The following DCUN1D2 variants were observed in gnomAD, a reference collection of about 807,000 sequenced individuals.
The protein encoded by DCUN1D2 is DCN1-like protein 2.
DCUN1D2 carries 29 observed loss-of-function variants against 30.9 expected under a neutral mutation model. That is an observed-to-expected ratio of 0.94 (90% CI 0.70 to 1.28). The LOEUF (loss-of-function observed/expected upper bound fraction) is 1.28. Ranked by LOEUF, DCUN1D2 falls within the 50% of genes most tolerant of loss-of-function variation. The pLI is 0.00. For synonymous variants in DCUN1D2, 121 were observed against 115.3 expected, an observed-to-expected ratio of 1.05 and a Z score of -0.32; for missense variants, 325 against 316.9, an observed-to-expected ratio of 1.03 and a Z score of -0.19.
chr13:113,489,481 C>T (rs547170822), intron 1 of DCUN1D2, among the ~76,000 whole-genome samples: 13 of 152,310 alleles, frequency 8.5e-5, no homozygotes, highest in South Asian at 2.1e-4. Context: ...ATGGCTCCCT[C>T]CTCCTTTAAA....
In DCUN1D2 at chr13:113,459,312, C is replaced by T; in HGVS notation, c.700G>A (p.Gly234Arg). 1 of 1,548,588 alleles carries T rather than the reference C, an allele frequency of 6.5e-7. No individual in the cohort carries two copies. Among genetic ancestry groups the T allele is most frequent in the Non-Finnish European group, 8.9e-7 (1 of 1,120,544 alleles). The change falls in exon 6 of 7, where the codon GGA becomes AGA. Residue 234 changes from glycine to arginine, a missense_variant and splice_region_variant. Transcript: ENST00000478244. ...TCATCTGAAGCACAACTTCCGGTAC[C>T]TTCTTCATCGTAGTTAGACATATCA... ...ADDMSNYDEE[G>R]AWPVLIDDFV...
chr13:113,487,451 G>C (rs1027185153), intron 1 of DCUN1D2, among the ~76,000 whole-genome samples: 1 of 152,184 alleles, frequency 6.6e-6, no homozygotes, highest in Non-Finnish European at 1.5e-5. Context: ...AAAGAAACCA[G>C]GCACAAGAAG....
intron 4 of DCUN1D2, among the ~76,000 whole-genome samples, chr13:113,472,450 C>T (rs984972597): frequency 3.3e-5 from 5 of 152,126 alleles, no homozygotes; most frequent in African/African-American, 1.2e-4. Context: ...CTGGACGAGC[C>T]CAGGGCAGCC....
At chr13:113,476,774 G>C (rs1177509468) in intron 3 of DCUN1D2, among the ~76,000 whole-genome samples, 1 of 150,920 alleles carries the variant, frequency 6.6e-6, no homozygotes, top group Non-Finnish European at 1.5e-5. Flanking sequence ...CAGACTTTTT[G>C]CTTTTGCCTT....
intron 3 of DCUN1D2, among the ~76,000 whole-genome samples, chr13:113,477,378 T>G (rs1007501652): frequency 2.0e-5 from 3 of 152,114 alleles, no homozygotes; most frequent in Non-Finnish European, 4.4e-5. Context: ...TTTTGTATTT[T>G]TGAAGATACC....
upstream of DCUN1D2, chr13:113,490,801 A>C: frequency 1.2e-6 from 1 of 845,908 alleles, no homozygotes; most frequent in Non-Finnish European, 1.5e-6. This position sits in a 1 kb window ranked among gnomAD's most constrained non-coding sequence, Gnocchi z 5.2. Flanking sequence ...GGGGACTCCC[A>C]CTCCCGGCAT....
chr13:113,486,062 T>C (rs550102656), intron 1 of DCUN1D2, among the ~76,000 whole-genome samples: 24 of 152,296 alleles, frequency 1.6e-4, no homozygotes, highest in African/African-American at 5.8e-4. Context: ...TTGATGACTA[T>C]TACCCACACA....
Position 113,456,838 on chromosome 13 carries a change from C to T in DCUN1D2, c.*1191G>A, listed in dbSNP as rs1248238260. On this transcript the variant is annotated 3_prime_UTR_variant, in exon 7 of 7. Coordinates refer to ENST00000478244, the MANE Select transcript of DCUN1D2 (RefSeq NM_001014283.2). ...TGGATGCTGGGCACTACGGGTACCA[C>T]AAGAGGATGGAAAGAACCAGCTCAT... 6.5e-6 allele frequency: 1 copy of T among 154,144 alleles called. No individual in the cohort carries two copies. Among genetic ancestry groups the T allele is most frequent in the Non-Finnish European group, 1.4e-5 (1 of 69,478 alleles). The allele number at this position is 154,144 out of a possible 1,614,324, so 9.5% of individuals were successfully genotyped here. A position where few individuals can be genotyped will look rare whatever the true frequency, so the allele number is the denominator to read the frequency against.
rs1566489359 is a variant in DCUN1D2, at chr13:113,457,741, TCTAC to T, written c.*284_*287del. On this transcript the variant is annotated 3_prime_UTR_variant, in exon 7 of 7. Transcript: ENST00000478244. The stretch of plus-strand genomic sequence containing the variant: ...GCGGTCCCACAGGCGGCGCTATGGC[TCTAC>T]CTTAGTATTTTGTAAATATTAAAAA... 3.2e-6 allele frequency: 1 copy of T among 312,278 alleles called. No individual in the cohort carries two copies. The highest frequency in any genetic ancestry group is 6.1e-6 in the Non-Finnish European group (1 of 164,488). 19.3% of individuals were successfully genotyped at this position (312,278 alleles called of 1,614,324 possible).
chr13:113,472,329 A>G (rs1941177967), intron 4 of DCUN1D2, among the ~76,000 whole-genome samples: 1 of 152,106 alleles, frequency 6.6e-6, no homozygotes, highest in Non-Finnish European at 1.5e-5. Flanking sequence ...GGAAACGACG[A>G]CTCTGAATGA....
rs1332875768 is a variant in DCUN1D2, at chr13:113,456,712, A to G, written c.*1317T>C. The G allele has an allele frequency of 1.4e-5, 3 of 213,516 alleles. No homozygotes were observed. Among genetic ancestry groups the G allele is most frequent in the Non-Finnish European group, 2.8e-5 (3 of 108,972 alleles). 13.2% of individuals were successfully genotyped at this position (213,516 alleles called of 1,614,324 possible). A position where few individuals can be genotyped will look rare whatever the true frequency, so the allele number is the denominator to read the frequency against. On this transcript the variant is annotated 3_prime_UTR_variant, in exon 7 of 7. Transcript: ENST00000478244. ...AAACAGATGATAACATGGTGCAAGG[A>G]CAGACTTCAGCTCACCAATCAGATG...
intron 4 of DCUN1D2, among the ~76,000 whole-genome samples, chr13:113,471,690 T>C (rs113592139): frequency 2.6e-5 from 4 of 152,318 alleles, no homozygotes; most frequent in South Asian, 2.1e-4. Flanking sequence ...ACCAAGAAGA[T>C]TGGCTTATCA....
chr13:113,483,814 C>T (rs1335742665), intron 2 of DCUN1D2, 26 bp downstream of exon 2: 11 of 1,603,936 alleles, frequency 6.9e-6, no homozygotes, highest in Non-Finnish European at 9.4e-6. Flanking sequence ...CGACATCCGT[C>T]CGGCTTTGCT....
Position 113,474,246 on chromosome 13 carries a change from C to A in DCUN1D2, c.398G>T (p.Ser133Ile). The change falls in exon 4 of 7, where the codon AGC (serine) becomes ATC (isoleucine). Residue 133 changes from serine to isoleucine, a missense_variant. By Grantham distance (142) the Ser-to-Ile change is moderately radical. Coordinates refer to ENST00000478244, the MANE Select transcript of DCUN1D2 (RefSeq NM_001014283.2). The part of the protein sequence containing the change: ...LDGMTELGCD[S>I]MEKLKALLPR... ...CAGAAGAGCCTTTAGCTTCTCCATG[C>A]TGTCACACCTGCGATGACAGAGAGT... 6.2e-7 allele frequency: 1 copy of A among 1,613,832 alleles called. No homozygotes were observed. The highest frequency in any genetic ancestry group is 8.5e-7 in the Non-Finnish European group (1 of 1,179,766).
At chr13:113,469,391 C>A (rs1314392041) in intron 4 of DCUN1D2, among the ~76,000 whole-genome samples, 1 of 152,212 alleles carries the variant, frequency 6.6e-6, no homozygotes, top group Non-Finnish European at 1.5e-5. Flanking sequence ...ATCAAAAGTG[C>A]AACCTTCAGC....
chr13:113,480,159 G>A (rs565566951), intron 3 of DCUN1D2, among the ~76,000 whole-genome samples: 68 of 152,254 alleles, frequency 4.5e-4, no homozygotes, highest in African/African-American at 1.6e-3. Context: ...TCCCAATCCT[G>A]TAGGTAGAAT....
intron 4 of DCUN1D2, among the ~76,000 whole-genome samples, chr13:113,466,713 T>C (rs2044408359): frequency 6.6e-6 from 1 of 152,126 alleles, no homozygotes; most frequent in East Asian, 1.9e-4. Context: ...AACAGGCTTT[T>C]CTCTAGCTGG....
chr13:113,457,852 C>A lies in DCUN1D2; in HGVS notation c.*177G>T. 1 of 649,400 alleles carries A rather than the reference C, an allele frequency of 1.5e-6. No individual in the cohort carries two copies. The highest frequency in any genetic ancestry group is 2.8e-6 in the Non-Finnish European group (1 of 362,030). The allele number at this position is 649,400 out of a possible 1,614,324, so 40.2% of individuals were successfully genotyped here. A position where few individuals can be genotyped will look rare whatever the true frequency, so the allele number is the denominator to read the frequency against. ...AAGCAGCCGTGTCCCGAGGAACTTCCTGCGGTGTCCACAAAGCAGCCGCTG... is the reference window on the plus strand; with the variant it reads ...AAGCAGCCGTGTCCCGAGGAACTTCATGCGGTGTCCACAAAGCAGCCGCTG... On this transcript the variant is annotated 3_prime_UTR_variant, in exon 7 of 7. Coordinates refer to ENST00000478244, the MANE Select transcript of DCUN1D2 (RefSeq NM_001014283.2).
In DCUN1D2 at chr13:113,460,701, T is replaced by C. The variant is rs568050127; in HGVS notation, c.603+353A>G. Among the ~76,000 whole-genome samples the C allele has an allele frequency of 6.6e-5, 10 of 152,212 alleles. No individual in the cohort carries two copies. In the South Asian group the frequency reaches 2.1e-3, roughly 32 times the overall value. Reference sequence around the variant, plus strand: ...TGTGGCGCTGGCACCATGTCGAGGATTCGGAGTTCTCAGTGGAAAGACAGA... The same window carrying C: ...TGTGGCGCTGGCACCATGTCGAGGACTCGGAGTTCTCAGTGGAAAGACAGA... On this transcript the variant is annotated intron_variant, in intron 5 of 6. Transcript: ENST00000478244.
Sources: allele counts gnomAD v4.1 joint callset (sites outside exome capture counted in the v4.1 genomes callset), GRCh38; gene constraint gnomAD v4.1.1; non-coding constraint Gnocchi (gnomAD v3.1); transcripts MANE v1.5; gene names NCBI Gene and HGNC (gene_info 2026-07-23, HGNC 2026-07-21).